TBC1D2B: variants seen among roughly 807,000 people sequenced by gnomAD.
TBC1D2B encodes the protein TBC1 domain family, member 2B.
TBC1D2B carries 64 observed loss-of-function variants against 100.8 expected under a neutral mutation model. The observed-to-expected ratio is 0.64, with a 90% CI of 0.52 to 0.78. TBC1D2B has a LOEUF of 0.78. Ranked by LOEUF, TBC1D2B falls within the 30% of genes least tolerant of loss-of-function variation. The pLI is 0.00. For missense variants in TBC1D2B, 1,052 were observed against 1,218.4 expected, an observed-to-expected ratio of 0.86 and a Z score of 2.03; for synonymous variants, 480 against 479.7, an observed-to-expected ratio of 1.00 and a Z score of -0.01.
intron 1 of TBC1D2B, among the ~76,000 whole-genome samples, chr15:78,074,013 C>CTTGT (rs373444852): frequency 2.6e-3 from 395 of 149,134 alleles, no homozygotes; most frequent in African/African-American, 8.0e-3. Context: ...GTGTTTTTTG[C>CTTGT]TTGTTTGTTT....
rs935213444 is a variant in TBC1D2B, at chr15:78,066,144, C to A, written c.360+11149G>T. ...GAATGCTCAGGAAGGAACCCTAGCA[C>A]GTAGGGTCTGCCAGCCACCATGATC... On this transcript the variant is annotated intron_variant, in intron 1 of 12. Transcript: ENST00000300584. The A allele has an allele frequency of 1.1e-5, 5 of 457,524 alleles. No individual in the cohort carries two copies. The Admixed American group carries it at 1.2e-4, about 11-fold the overall frequency. 28.3% of individuals were successfully genotyped at this position (457,524 alleles called of 1,614,324 possible).
chr15:78,036,848 T>C (rs2072955792), intron 3 of TBC1D2B, among the ~76,000 whole-genome samples: 1 of 152,256 alleles, frequency 6.6e-6, no homozygotes, highest in South Asian at 2.1e-4. Flanking sequence ...CTTTCTGTTG[T>C]GGTCCAGGCT....
intron 10 of TBC1D2B, among the ~76,000 whole-genome samples, chr15:78,008,231 C>G (rs1484646554): frequency 6.6e-6 from 1 of 152,240 alleles, no homozygotes; most frequent in Non-Finnish European, 1.5e-5. Context: ...ACACTGGGCT[C>G]TCCCAGCCCT....
chr15:78,048,114 C>G (rs928840351), intron 2 of TBC1D2B, among the ~76,000 whole-genome samples: 3 of 152,156 alleles, frequency 2.0e-5, no homozygotes, highest in African/African-American at 7.2e-5. Context: ...CAGCAACCCA[C>G]AGCCCATACT....
At chr15:78,071,102 G>A (rs147762313) in intron 1 of TBC1D2B, among the ~76,000 whole-genome samples, 61 of 152,282 alleles carry the variant, frequency 4.0e-4, no homozygotes, top group African/African-American at 1.2e-3. Context: ...GATTACAGGC[G>A]TGAGCCACCA....
At chr15:78,068,231 A>G in intron 1 of TBC1D2B, among the ~76,000 whole-genome samples, 1 of 152,146 alleles carries the variant, frequency 6.6e-6, no homozygotes, top group East Asian at 1.9e-4. Context: ...AGTTAACACT[A>G]CAGTTTCTTA....
chr15:78,016,724 C>A lies in TBC1D2B; in HGVS notation c.1597G>T (p.Ala533Ser). 1 of 1,560,152 alleles carries A rather than the reference C, an allele frequency of 6.4e-7. No individual in the cohort carries two copies. The part of the protein sequence containing the change: ...DLMAKYSSLE[A>S]KLCQIESKYL... ...TTACTTTCTATCTGGCAGAGCTTGG[C>A]TTCCAGGCTAGAATACTGCAGAGAA... The change falls in exon 8 of 13, where the codon GCC becomes TCC. Residue 533 changes from alanine (A) to serine (S), a missense_variant. Physicochemically the swap from Ala to Ser is moderately conservative, Grantham distance 99. This residue lies in a region of TBC1D2B where 373 missense variants were observed against 464.9 expected (regional missense o/e 0.80). Coordinates refer to ENST00000300584, the MANE Select transcript of TBC1D2B (RefSeq NM_144572.2).
At chr15:78,021,378 G>A (rs541038631) in intron 6 of TBC1D2B, among the ~76,000 whole-genome samples, 1 of 151,916 alleles carries the variant, frequency 6.6e-6, no homozygotes, top group African/African-American at 2.4e-5. Flanking sequence ...TCAGAAGTAG[G>A]AATCAATATT....
intron 4 of TBC1D2B, among the ~76,000 whole-genome samples, chr15:78,029,360 T>C (rs2072751340): frequency 6.6e-6 from 1 of 152,188 alleles, no homozygotes; most frequent in African/African-American, 2.4e-5. Context: ...GCCTGGCCAG[T>C]TATAATTTTT....
rs146608391 is a variant in TBC1D2B at position 78,062,696 on chromosome 15, C to T, written c.361-8509G>A. Among the ~76,000 whole-genome samples, 1,492 of 152,238 alleles carry T rather than the reference C, an allele frequency of 9.8e-3. 12 individuals are homozygous for T. Among genetic ancestry groups the T allele is most frequent in the Middle Eastern group, 0.065 (19 of 294 alleles). On this transcript the variant is annotated intron_variant, in intron 1 of 12. Coordinates refer to ENST00000300584, the MANE Select transcript of TBC1D2B (RefSeq NM_144572.2). Reference sequence around the variant, plus strand: ...AATTTTCTAGCCAATTGGTAGAAAACCAATTTTCTTTATAAAACTGTATTA... The same window carrying T: ...AATTTTCTAGCCAATTGGTAGAAAATCAATTTTCTTTATAAAACTGTATTA...
In TBC1D2B at chr15:78,017,831, A is replaced by G. The variant is rs544880132; in HGVS notation, c.1581+16T>C. The G allele has an allele frequency of 1.3e-6, 2 of 1,554,402 alleles. No individual in the cohort carries two copies. Among genetic ancestry groups the G allele is most frequent in the Admixed American group, 3.5e-5 (2 of 57,420 alleles). ...TACCTCCCACCAGGTAATAGAATCC[A>G]CCTATCCTGACCCACCTTTGCCATC... On this transcript the variant is annotated intron_variant, in intron 7 of 12. Transcript: ENST00000300584.
chr15:78,019,917 G>A lies in TBC1D2B; in HGVS notation c.1471-1960C>T, dbSNP rs114788192. Among the ~76,000 whole-genome samples, 727 of 151,556 alleles carry A rather than the reference G, an allele frequency of 4.8e-3. 5 individuals are homozygous for A. The highest frequency in any genetic ancestry group is 0.017 in the African/African-American group (701 of 41,290). On this transcript the variant is annotated intron_variant, in intron 6 of 12. Coordinates refer to ENST00000300584, the MANE Select transcript of TBC1D2B (RefSeq NM_144572.2). ...AAAAAAAAAAGGGGGGGGGAGACAG[G>A]GTCTCACTCTTGCCCAGGCTGGAGT...
At chr15:78,036,178 C>T (rs2072941619) in intron 3 of TBC1D2B, among the ~76,000 whole-genome samples, 1 of 152,224 alleles carries the variant, frequency 6.6e-6, no homozygotes, top group Admixed American at 6.5e-5. Flanking sequence ...GTGGTGACTT[C>T]TGGGAAGTGG....
chr15:78,051,519 A>T (rs1218026595), intron 2 of TBC1D2B, among the ~76,000 whole-genome samples: 3 of 152,220 alleles, frequency 2.0e-5, no homozygotes, highest in Non-Finnish European at 4.4e-5. Flanking sequence ...ATATACAACT[A>T]GCTATCAGTG....
At chr15:78,067,453 G>A (rs981488735) in intron 1 of TBC1D2B, among the ~76,000 whole-genome samples, 1 of 152,224 alleles carries the variant, frequency 6.6e-6, no homozygotes, top group Non-Finnish European at 1.5e-5. Context: ...CACCTTCTCT[G>A]CAAGCACAGC....
In TBC1D2B at chr15:78,016,399, T is replaced by C. The variant is rs2072376115; in HGVS notation, c.1775+147A>G. On this transcript the variant is annotated intron_variant, in intron 8 of 12. Coordinates refer to ENST00000300584, the MANE Select transcript of TBC1D2B (RefSeq NM_144572.2). ...TGATTACTAGGGGAGAATGAAGACATTACCGTTCTGCTGACCTGACAGCAT... is the reference window on the plus strand; with the variant it reads ...TGATTACTAGGGGAGAATGAAGACACTACCGTTCTGCTGACCTGACAGCAT... 12 of 708,660 alleles carry C rather than the reference T, an allele frequency of 1.7e-5. No individual in the cohort carries two copies. The South Asian group carries it at 2.0e-4, about 12-fold the overall frequency. The allele number at this position is 708,660 out of a possible 1,614,324, so 43.9% of individuals were successfully genotyped here.
chr15:78,040,474 A>G (rs2073048020), intron 3 of TBC1D2B, among the ~76,000 whole-genome samples: 1 of 151,996 alleles, frequency 6.6e-6, no homozygotes, highest in Admixed American at 6.6e-5. Flanking sequence ...ACTTGAGCCC[A>G]GAAGTTCAAG....
At chr15:78,052,851 CTCAGT>C (rs889184238) in intron 2 of TBC1D2B, among the ~76,000 whole-genome samples, 3 of 152,166 alleles carry the variant, frequency 2.0e-5, no homozygotes, top group Admixed American at 1.3e-4. Flanking sequence ...TTCAAAACAA[CTCAGT>C]TAACAGTGAC....
rs541037959 is a variant in TBC1D2B at position 78,013,507 on chromosome 15, T to G, written c.1776-190A>C. On this transcript the variant is annotated intron_variant, in intron 8 of 12. Transcript: ENST00000300584. The stretch of plus-strand genomic sequence containing the variant: ...AAGCTAGGAGGACTGGCTATCTATA[T>G]GCAAAAATTAAATTAGATATCTACT... Among the ~76,000 whole-genome samples, 4 of 152,266 alleles carry G rather than the reference T, an allele frequency of 2.6e-5. No homozygotes were observed. The South Asian group carries it at 8.3e-4, about 32-fold the overall frequency.
Sources: gnomAD v4.1 joint callset for allele counts (sites outside exome capture counted in the v4.1 genomes callset) on GRCh38, gnomAD v4.1.1 for gene constraint, gnomAD v4.1.1 regional missense constraint, MANE v1.5 for transcripts, NCBI Gene and HGNC (gene_info 2026-07-23, HGNC 2026-07-21) for gene names.